Variants in ITFG1 observed in about 807,000 individuals in gnomAD.
ITFG1 encodes integrin alpha FG-GAP repeat containing 1.
Under a neutral mutation model 81.8 loss-of-function variants are expected in ITFG1, and 34 were observed. That is an observed-to-expected ratio of 0.42 (90% CI 0.32 to 0.55). ITFG1 has a LOEUF of 0.55. ITFG1 is among the 20% of genes least tolerant of loss of function. The pLI is 0.17. For synonymous variants in ITFG1, 285 were observed against 270.6 expected, an observed-to-expected ratio of 1.05 and a Z score of -0.52; for missense variants, 672 against 755.4, an observed-to-expected ratio of 0.89 and a Z score of 1.29.
chr16:47,269,335 A>G (rs1966311355), intron 10 of ITFG1, among the ~76,000 whole-genome samples: 1 of 152,068 alleles, frequency 6.6e-6, no homozygotes, highest in Admixed American at 6.6e-5. Context: ...ATAGTCAAGA[A>G]CAATGGAAAC....
intron 14 of ITFG1, among the ~76,000 whole-genome samples, chr16:47,173,250 C>T (rs985211566): frequency 6.6e-6 from 1 of 152,148 alleles, no homozygotes. Flanking sequence ...AGTACGTTAA[C>T]ACTGCCTAAC....
rs1306332337 is a variant in ITFG1 at position 47,454,017 on chromosome 16, T to C, written c.423A>G (p.Thr141=). The C allele has an allele frequency of 3.1e-6, 5 of 1,589,636 alleles. No individual in the cohort carries two copies. Among genetic ancestry groups the C allele is most frequent in the Non-Finnish European group, 4.3e-6 (5 of 1,168,102 alleles). ...GAVIFWGQNQ[T]LDPNNMTILN... ...AAATTTTTAAAACAAATTCACCTAA[T>C]GTTTGATTTTGTCCCCAGAAGATAA... The change falls in exon 3 of 18, where the codon ACA becomes ACG. Residue 141 remains threonine, a synonymous_variant. Coordinates refer to ENST00000320640, the MANE Select transcript of ITFG1 (RefSeq NM_030790.5).
rs529845588 is a variant in ITFG1 at position 47,317,919 on chromosome 16, A to T, written c.803-4096T>A. The T allele has an allele frequency of 2.0e-5, 3 of 152,346 alleles. No homozygotes were observed. The South Asian group carries it at 6.2e-4, about 32-fold the overall frequency. 9.4% of individuals were successfully genotyped at this position (152,346 alleles called of 1,614,324 possible). A position where few individuals can be genotyped will look rare whatever the true frequency, so the allele number is the denominator to read the frequency against. ...CTACATAATCTCATGTCTTTTAGACACGTCAGCTCACTACGGTAATAAAAC... is the reference window on the plus strand; with the variant it reads ...CTACATAATCTCATGTCTTTTAGACTCGTCAGCTCACTACGGTAATAAAAC... On this transcript the variant is annotated intron_variant, in intron 8 of 17. Coordinates refer to ENST00000320640, the MANE Select transcript of ITFG1 (RefSeq NM_030790.5).
chr16:47,394,784 C>G (rs1484600274), intron 6 of ITFG1, among the ~76,000 whole-genome samples: 1 of 152,082 alleles, frequency 6.6e-6, no homozygotes, highest in Non-Finnish European at 1.5e-5. Flanking sequence ...CACCTGATTC[C>G]TATGAATGGT....
chr16:47,386,248 A>C (rs1328004970), intron 6 of ITFG1, among the ~76,000 whole-genome samples: 1 of 152,192 alleles, frequency 6.6e-6, no homozygotes, highest in Admixed American at 6.5e-5. Context: ...ACATTTATTC[A>C]AGAAAATATA....
At chr16:47,380,931 C>T (rs1367563183) in intron 6 of ITFG1, among the ~76,000 whole-genome samples, 1 of 152,168 alleles carries the variant, frequency 6.6e-6, no homozygotes, top group African/African-American at 2.4e-5. Flanking sequence ...TCATTAGATT[C>T]ATTTAACAAG....
intron 8 of ITFG1, among the ~76,000 whole-genome samples, chr16:47,338,448 G>GA (rs1443746553): frequency 6.6e-6 from 1 of 151,310 alleles, no homozygotes; most frequent in African/African-American, 2.4e-5. Flanking sequence ...TATAAACAAA[G>GA]AAAAAAAACC....
intron 13 of ITFG1, among the ~76,000 whole-genome samples, chr16:47,235,266 G>C (rs931305067): frequency 2.7e-5 from 4 of 149,936 alleles, no homozygotes; most frequent in African/African-American, 4.8e-5. Flanking sequence ...AGGAGTTAAA[G>C]GTACTGGCAG....
chr16:47,426,839 A>G (rs1013710896), intron 6 of ITFG1, among the ~76,000 whole-genome samples: 8 of 152,190 alleles, frequency 5.3e-5, no homozygotes, highest in Non-Finnish European at 1.0e-4. Context: ...TAGGTTTTGC[A>G]TCATGGAATA....
intron 6 of ITFG1, among the ~76,000 whole-genome samples, chr16:47,400,457 TACACACACAC>T (rs111375193): frequency 5.8e-5 from 8 of 136,964 alleles, no homozygotes; most frequent in Admixed American, 2.2e-4. Flanking sequence ...AGAGTCACTT[TACACACACAC>T]ACACACACAC....
intron 10 of ITFG1, among the ~76,000 whole-genome samples, chr16:47,281,400 A>G (rs1236701114): frequency 6.6e-6 from 1 of 152,128 alleles, no homozygotes; most frequent in Non-Finnish European, 1.5e-5. Context: ...TCCTAAATTT[A>G]GTTGAATTGA....
chr16:47,437,752 T>C (rs1969186894), intron 5 of ITFG1, among the ~76,000 whole-genome samples: 1 of 152,244 alleles, frequency 6.6e-6, no homozygotes, highest in African/African-American at 2.4e-5. Context: ...GGCTCCAGCC[T>C]ACAGCTCCCA....
intron 5 of ITFG1, 61 bp downstream of exon 5, chr16:47,451,335 A>C: frequency 1.1e-6 from 1 of 904,810 alleles, no homozygotes; most frequent in Non-Finnish European, 1.7e-6. Context: ...TTTTTTCTCC[A>C]ATGGTTAAAG....
rs566720734 is a variant in ITFG1 at position 47,412,448 on chromosome 16, G to A, written c.655+16356C>T. ...AGTCAAAAAATTCACTACAAAGGCTGGGCACGGTGGCTCACTTGAGGTCAG... is the reference window on the plus strand; with the variant it reads ...AGTCAAAAAATTCACTACAAAGGCTAGGCACGGTGGCTCACTTGAGGTCAG... On this transcript the variant is annotated intron_variant, in intron 6 of 17. Transcript: ENST00000320640. Among the ~76,000 whole-genome samples, 3 of 152,188 alleles carry A rather than the reference G, an allele frequency of 2.0e-5. No individual in the cohort carries two copies. In the South Asian group the frequency reaches 6.2e-4, roughly 32 times the overall value.
At chr16:47,327,618 C>G (rs573675547) in intron 8 of ITFG1, among the ~76,000 whole-genome samples, 115 of 152,164 alleles carry the variant, frequency 7.6e-4, no homozygotes, top group Middle Eastern at 3.4e-3. Flanking sequence ...TGAACTCAAA[C>G]AAATTTACAA....
intron 10 of ITFG1, among the ~76,000 whole-genome samples, chr16:47,297,054 A>G (rs866519108): frequency 6.6e-6 from 1 of 152,024 alleles, no homozygotes; most frequent in African/African-American, 2.4e-5. Flanking sequence ...ATTATTGTCT[A>G]TCTTTGTCTT....
chr16:47,409,374 C>CTATATATA lies in ITFG1; in HGVS notation c.655+19422_655+19429dup, dbSNP rs1187875461. ...ACATAACAAGACACATACACACACA[C>CTATATATA]TATATATATATATATATATATATAT... On this transcript the variant is annotated intron_variant, in intron 6 of 17. Coordinates refer to ENST00000320640, the MANE Select transcript of ITFG1 (RefSeq NM_030790.5). 6.0e-3 allele frequency among the ~76,000 whole-genome samples: 125 copies of CTATATATA among 20,980 alleles called. 5 individuals carry two copies. The highest frequency in any genetic ancestry group is 0.012 in the East Asian group (2 of 172). 13.8% of individuals were successfully genotyped at this position (20,980 alleles called of 152,430 possible).
chr16:47,394,466 A>G (rs1968570065), intron 6 of ITFG1, among the ~76,000 whole-genome samples: 1 of 152,144 alleles, frequency 6.6e-6, no homozygotes, highest in African/African-American at 2.4e-5. Flanking sequence ...CAGAAACAAA[A>G]TTCTATTTAT....
chr16:47,232,169 C>T (rs1356017157), intron 13 of ITFG1, among the ~76,000 whole-genome samples: 1 of 152,204 alleles, frequency 6.6e-6, no homozygotes, highest in Non-Finnish European at 1.5e-5. Flanking sequence ...GGCTTCCAAC[C>T]TCTAGAACTG....
Sources: gnomAD v4.1 joint callset for allele counts (sites outside exome capture counted in the v4.1 genomes callset) on GRCh38, gnomAD v4.1.1 for gene constraint, MANE v1.5 for transcripts, NCBI Gene and HGNC (gene_info 2026-07-23, HGNC 2026-07-21) for gene names.